CYBRD1: variants seen among roughly 807,000 people sequenced by gnomAD.
CYBRD1 encodes plasma membrane ascorbate-dependent reductase CYBRD1.
In CYBRD1, 14 loss-of-function variants were observed where a neutral mutation model predicts 21.9. The ratio of observed to expected loss-of-function variants is 0.64; its 90% CI spans 0.42 to 1.00. The LOEUF is 1.00. Ranked by LOEUF, CYBRD1 falls within the 50% of genes least tolerant of loss-of-function variation. The pLI is 0.00. For synonymous variants in CYBRD1, 146 were observed against 136.5 expected, an observed-to-expected ratio of 1.07 and a Z score of -0.48; for missense variants, 328 against 352.5, an observed-to-expected ratio of 0.93 and a Z score of 0.56.
chr2:171,541,257 C>A, intron 1 of CYBRD1: 1 of 374,934 alleles, frequency 2.7e-6, no homozygotes, highest in South Asian at 2.7e-5. Context: ...TTTTGGAGTC[C>A]CTGCCATGGA....
At chr2:171,547,286 C>T (rs902496119) in intron 2 of CYBRD1, among the ~76,000 whole-genome samples, 2 of 151,996 alleles carry the variant, frequency 1.3e-5, no homozygotes, top group South Asian at 2.1e-4. Flanking sequence ...TGGCTTCCTT[C>T]CTAGGAGCCA....
In CYBRD1 at chr2:171,541,682, A is replaced by C; in HGVS notation, c.291A>C (p.Ala97=). The C allele has an allele frequency of 6.2e-7, 1 of 1,613,694 alleles. No individual in the cohort carries two copies. Among genetic ancestry groups the C allele is most frequent in the Non-Finnish European group, 8.5e-7 (1 of 1,179,942 alleles). The change falls in exon 2 of 4, where the codon GCA becomes GCC. Residue 97 remains alanine (A), a synonymous_variant. Transcript: ENST00000321348. The part of the protein sequence containing the change: ...AGLNAVAAIL[A]IISVVAVFEN... ...TAAATGCAGTTGCTGCCATTCTTGC[A>C]ATTATCTCTGTGGTGGCCGTGTTTG...
At chr2:171,545,413 C>A (rs1697697061) in intron 2 of CYBRD1, among the ~76,000 whole-genome samples, 1 of 134,884 alleles carries the variant, frequency 7.4e-6, no homozygotes, top group Non-Finnish European at 1.5e-5. Context: ...GAGTCTTGCT[C>A]TATCACCCAG....
At chr2:171,530,102 A>C (rs1317755962) in intron 1 of CYBRD1, among the ~76,000 whole-genome samples, 1 of 152,252 alleles carries the variant, frequency 6.6e-6, no homozygotes, top group East Asian at 1.9e-4. Context: ...TGATGTGGCC[A>C]CAAGCCAAGG....
intron 1 of CYBRD1, among the ~76,000 whole-genome samples, chr2:171,527,533 G>A (rs534009416): frequency 2.0e-5 from 3 of 152,298 alleles, no homozygotes; most frequent in Admixed American, 6.5e-5. Flanking sequence ...TGATTCTCCT[G>A]TTCAGCCAGT....
intron 2 of CYBRD1, among the ~76,000 whole-genome samples, chr2:171,548,740 C>T (rs1697757008): frequency 6.9e-6 from 1 of 144,028 alleles, no homozygotes; most frequent in Non-Finnish European, 1.5e-5. Flanking sequence ...GCAATAAGAG[C>T]TTTTGTTATG....
intron 1 of CYBRD1, among the ~76,000 whole-genome samples, chr2:171,525,978 A>T (rs1383370694): frequency 1.4e-5 from 2 of 140,542 alleles, no homozygotes; most frequent in Non-Finnish European, 1.5e-5. Context: ...AAAAAGAAGT[A>T]GGCTCTGGCC....
At chr2:171,529,360 C>T (rs1388761625) in intron 1 of CYBRD1, among the ~76,000 whole-genome samples, 1 of 151,862 alleles carries the variant, frequency 6.6e-6, no homozygotes, top group African/African-American at 2.4e-5. Flanking sequence ...GGAGAAACCC[C>T]ATCTCTACTA....
intron 2 of CYBRD1, among the ~76,000 whole-genome samples, chr2:171,546,283 A>T (rs2105342905): frequency 6.6e-6 from 1 of 152,356 alleles, no homozygotes; most frequent in Non-Finnish European, 1.5e-5. Context: ...ACAGCTATAA[A>T]TCAAGGATTA....
chr2:171,529,445 C>CCCA (rs1475506784), intron 1 of CYBRD1, among the ~76,000 whole-genome samples: 6 of 146,438 alleles, frequency 4.1e-5, no homozygotes, highest in African/African-American at 1.5e-4. Flanking sequence ...GCAGGAGAAT[C>CCCA]GCTTGAACCC....
intron 1 of CYBRD1, among the ~76,000 whole-genome samples, chr2:171,535,791 G>A (rs1005987671): frequency 2.8e-4 from 43 of 151,858 alleles, no homozygotes; most frequent in Non-Finnish European, 4.4e-5. Flanking sequence ...GGCACACACT[G>A]CCAGGTGTGG....
intron 1 of CYBRD1, among the ~76,000 whole-genome samples, chr2:171,534,915 C>T (rs535748719): frequency 2.0e-5 from 3 of 152,316 alleles, no homozygotes; most frequent in Admixed American, 2.0e-4. Flanking sequence ...GTGGCACACA[C>T]CTGTAATCCC....
At position 171,553,434 on chromosome 2, in the gene CYBRD1, T is replaced by C. The variant is rs1270933188; in HGVS notation, c.491T>C (p.Ile164Thr). 1 of 1,613,770 alleles carries C rather than the reference T, an allele frequency of 6.2e-7. No individual in the cohort carries two copies. The highest frequency in any genetic ancestry group is 8.5e-7 in the Non-Finnish European group (1 of 1,179,790). Reference protein sequence around the residue: ...FLMPIHVYSGIVIFGTVIATA... With the variant: ...FLMPIHVYSGTVIFGTVIATA... ...ATGCCCATACATGTTTATTCTGGAA[T>C]TGTCATCTTTGGAACAGTGATTGCA... is the stretch of plus-strand genomic sequence containing the variant. The change falls in exon 3 of 4, where the codon ATT (isoleucine) becomes ACT (threonine). Residue 164 changes from isoleucine (I) to threonine (T), a missense_variant. By Grantham distance (89) the Ile-to-Thr change is moderately conservative. Transcript: ENST00000321348.
chr2:171,528,486 A>T, intron 1 of CYBRD1, among the ~76,000 whole-genome samples: 1 of 148,442 alleles, frequency 6.7e-6, no homozygotes, highest in African/African-American at 2.5e-5. Context: ...TGGCTGCCCC[A>T]TCCTCAGTCT....
Position 171,522,616 on chromosome 2 carries a change from T to C in CYBRD1, c.71T>C (p.Val24Ala), listed in dbSNP as rs1200382500. Residue 24 changes from valine (V) to alanine (A), a missense_variant, in exon 1 of 4, where the codon GTG (valine) becomes GCG (alanine). Transcript: ENST00000321348. The surrounding 1 kb of genome is among the most constrained non-coding windows in gnomAD (Gnocchi z 4.3). ...GCACTGCTCGTCGGCTTCCTGTCGG[T>C]GATCTTCGCCCTCGTCTGGGTCCTC... ...GSALLVGFLSVIFALVWVLHY... is the reference protein window; with the variant it reads ...GSALLVGFLSAIFALVWVLHY... The C allele has an allele frequency of 1.2e-6, 2 of 1,613,190 alleles. No homozygotes were observed. The highest frequency in any genetic ancestry group is 1.7e-5 in the Admixed American group (1 of 59,994).
In CYBRD1 at chr2:171,555,314, A is replaced by G. The variant is rs1683466868; in HGVS notation, c.*487A>G. On this transcript the variant is annotated 3_prime_UTR_variant, in exon 4 of 4. Coordinates refer to ENST00000321348, the MANE Select transcript of CYBRD1 (RefSeq NM_024843.4). ...GACTCTACACAGATACCATGATGAGAGTATATTAAAGAAATTTAGGAAAGC... is the reference window on the plus strand; with the variant it reads ...GACTCTACACAGATACCATGATGAGGGTATATTAAAGAAATTTAGGAAAGC... The G allele has an allele frequency of 6.2e-6, 1 of 162,260 alleles. No homozygotes were observed. Among genetic ancestry groups the G allele is most frequent in the South Asian group, 1.7e-4 (1 of 5,872 alleles). The allele number at this position is 162,260 out of a possible 1,614,324, so 10.1% of individuals were successfully genotyped here. A position where few individuals can be genotyped will look rare whatever the true frequency, so the allele number is the denominator to read the frequency against.
rs1176208189 is a variant in CYBRD1, at chr2:171,522,575, G to A, written c.30G>A (p.Leu10=). The change falls in exon 1 of 4, where the codon CTG becomes CTA. Residue 10 remains leucine (L), a synonymous_variant. Transcript: ENST00000321348. The surrounding 1 kb of genome is among the most constrained non-coding windows in gnomAD (Gnocchi z 4.3). MAMEGYWRF[L]ALLGSALLVG... is the part of the protein sequence containing the mutation. ...CCATGGAGGGCTACTGGCGCTTCCT[G>A]GCGCTGCTGGGGTCGGCACTGCTCG... 1 of 1,609,852 alleles carries A rather than the reference G, an allele frequency of 6.2e-7. No individual in the cohort carries two copies. The highest frequency in any genetic ancestry group is 8.5e-7 in the Non-Finnish European group (1 of 1,178,612).
At chr2:171,536,922 C>T (rs187052000) in intron 1 of CYBRD1, among the ~76,000 whole-genome samples, 9 of 152,078 alleles carry the variant, frequency 5.9e-5, no homozygotes, top group African/African-American at 1.9e-4. Flanking sequence ...ACTCCTTACC[C>T]GGAGTGGTGT....
rs1442213021 is a variant in CYBRD1 at position 171,544,344 on chromosome 2, A to C, written c.402+2551A>C. ...CATCTTTTGATAAACAGAAATTGTC[A>C]ATTTTAATGTAACCAAATTAATCAT... On this transcript the variant is annotated intron_variant, in intron 2 of 3. Transcript: ENST00000321348. Among the ~76,000 whole-genome samples the C allele has an allele frequency of 3.3e-5, 5 of 152,172 alleles. 1 individual carries two copies. The highest frequency in any genetic ancestry group is 5.9e-5 in the Non-Finnish European group (4 of 68,020).
Sources: gnomAD v4.1 joint callset for allele counts (sites outside exome capture counted in the v4.1 genomes callset) on GRCh38, gnomAD v4.1.1 for gene constraint, Gnocchi (gnomAD v3.1) non-coding constraint, MANE v1.5 for transcripts, NCBI Gene and HGNC (gene_info 2026-07-23, HGNC 2026-07-21) for gene names.